Variants in ZNF567 observed in about 807,000 individuals in gnomAD.
The protein encoded by ZNF567 is zinc finger protein 567.
Under a neutral mutation model 53.9 loss-of-function variants are expected in ZNF567, and 36 were observed. The observed-to-expected ratio is 0.67, with a 90% confidence interval of 0.51 to 0.88. ZNF567 has a LOEUF of 0.88. ZNF567 is among the 40% of genes least tolerant of loss of function. ZNF567 has a pLI of 0.00. For missense variants in ZNF567, 619 were observed against 764.7 expected, an observed-to-expected ratio of 0.81 and a Z score of 2.25; for synonymous variants, 224 against 260.4, an observed-to-expected ratio of 0.86 and a Z score of 1.35.
downstream of ZNF567, among the ~76,000 whole-genome samples, chr19:36,722,810 A>G (rs1053260536): frequency 6.6e-6 from 1 of 152,322 alleles, no homozygotes; most frequent in South Asian, 2.1e-4. Flanking sequence ...GAACAGGGCA[A>G]TGAGACAAAA....
At chr19:36,725,097 A>G (rs1184303417), downstream of ZNF567, among the ~76,000 whole-genome samples, 3 of 152,126 alleles carry the variant, frequency 2.0e-5, no homozygotes, top group East Asian at 3.8e-4. Context: ...TCTGGTCTTC[A>G]TGGTTTCTCA....
chr19:36,706,478 G>A (rs2039493583), intron 3 of ZNF567, among the ~76,000 whole-genome samples: 2 of 151,906 alleles, frequency 1.3e-5, no homozygotes, highest in African/African-American at 4.8e-5. Context: ...GTTTTTTATA[G>A]AGACACAATT....
chr19:36,723,110 A>G (rs1230844001), downstream of ZNF567: 14 of 699,604 alleles, frequency 2.0e-5, no homozygotes, highest in South Asian at 1.5e-4. Context: ...GGAGTTATAT[A>G]CTAGTATATG....
In ZNF567 at chr19:36,719,602, A is replaced by G. The variant is rs754172677; in HGVS notation, c.878A>G (p.Lys293Arg). The G allele has an allele frequency of 1.2e-6, 2 of 1,614,174 alleles. No individual in the cohort carries two copies. Among genetic ancestry groups the G allele is most frequent in the Non-Finnish European group, 1.7e-6 (2 of 1,180,022 alleles). ...CHQCGNAFRRKSYLIDHQRTH... is the reference protein window; with the variant it reads ...CHQCGNAFRRRSYLIDHQRTH... ...CAATGTGGAAATGCATTTAGAAGGA[A>G]ATCATATCTCATTGATCATCAGAGA... The change falls in exon 6 of 6, where the codon AAA becomes AGA. Residue 293 changes from lysine to arginine, a missense_variant. Lys to Arg is a conservative substitution (Grantham distance 26). Coordinates refer to ENST00000682579, the MANE Select transcript of ZNF567 (RefSeq NM_001322917.1).
At chr19:36,671,116 A>G in the ZNF567 span, among the ~76,000 whole-genome samples, 8 of 152,146 alleles carry the variant, frequency 5.3e-5, no homozygotes, top group African/African-American at 1.9e-4. Flanking sequence ...CAAACAAACA[A>G]ACAAATAAAC....
chr19:36,723,251 A>T (rs540410315), downstream of ZNF567: 1 of 702,922 alleles, frequency 1.4e-6, no homozygotes. Flanking sequence ...TTTGGGGAAC[A>T]TGTGAGTCAC....
upstream of ZNF567, chr19:36,685,856 A>C (rs1199687537): frequency 2.6e-5 from 4 of 152,252 alleles, no homozygotes; most frequent in African/African-American, 9.6e-5. Context: ...TCTTCTGCTG[A>C]TCATATTCAT....
At chr19:36,714,385 A>G in intron 5 of ZNF567, 1 of 391,060 alleles carries the variant, frequency 2.6e-6, no homozygotes, top group Non-Finnish European at 4.5e-6. Flanking sequence ...GCTGGTCTCA[A>G]ACTCCTGACC....
chr19:36,694,427 G>C (rs866622375), intron 2 of ZNF567, among the ~76,000 whole-genome samples: 1 of 152,154 alleles, frequency 6.6e-6, no homozygotes, highest in African/African-American at 2.4e-5. Context: ...AAAAAAATTT[G>C]TATCAGTAGT....
At chr19:36,681,161 C>A in the ZNF567 span, among the ~76,000 whole-genome samples, 1 of 152,150 alleles carries the variant, frequency 6.6e-6, no homozygotes, top group African/African-American at 2.4e-5. Context: ...GAGACAGGGT[C>A]TTGCTTGTTG....
chr19:36,698,747 C>T (rs1470724497), intron 3 of ZNF567, among the ~76,000 whole-genome samples: 1 of 152,004 alleles, frequency 6.6e-6, no homozygotes, highest in African/African-American at 2.4e-5. Context: ...CTGTTCATAT[C>T]GTTTGCCCAC....
chr19:36,667,613 C>CAAT, the ZNF567 span, among the ~76,000 whole-genome samples: 170 of 149,120 alleles, frequency 1.1e-3, no homozygotes, highest in Middle Eastern at 0.018. Flanking sequence ...ACAACAACAA[C>CAAT]AAAAAACTGT....
rs2040239732 is a variant in ZNF567, at chr19:36,719,980, AG to A, written c.1257del (p.Lys419AsnfsTer47). ...CATCAGAGAACTCATACAGGGGAAA[AG>A]CCCTATATTTGTAATGAATGTGGGA... ...TVHQRTHTGEKPYICNECGKS... is the reference protein window; with the variant it reads ...TVHQRTHTGEXPYICNECGKS... On this transcript the variant is annotated frameshift_variant, in exon 6 of 6. Coordinates refer to ENST00000682579, the MANE Select transcript of ZNF567 (RefSeq NM_001322917.1). LOFTEE classifies it high-confidence loss of function. The A allele has an allele frequency of 6.2e-7, 1 of 1,613,884 alleles. No homozygotes were observed. The highest frequency in any genetic ancestry group is 1.3e-5 in the African/African-American group (1 of 74,876).
chr19:36,697,443 T>A (rs1045922851), intron 3 of ZNF567, among the ~76,000 whole-genome samples: 5 of 152,078 alleles, frequency 3.3e-5, no homozygotes, highest in Admixed American at 3.3e-4. Flanking sequence ...TTCTTTCTAA[T>A]CTATATTCCC....
At chr19:36,722,554 C>A (rs1467435391), downstream of ZNF567, among the ~76,000 whole-genome samples, 2 of 152,222 alleles carry the variant, frequency 1.3e-5, no homozygotes, top group Non-Finnish European at 2.9e-5. Flanking sequence ...TCCGCCTCAG[C>A]CTCCCAAAGT....
the ZNF567 span, among the ~76,000 whole-genome samples, chr19:36,674,591 C>T: frequency 2.6e-5 from 4 of 152,152 alleles, no homozygotes; most frequent in Admixed American, 2.6e-4. Context: ...GCATAGAAAA[C>T]AAAGCAGCAA....
At chr19:36,706,156 A>G (rs1156293793) in intron 3 of ZNF567, among the ~76,000 whole-genome samples, 2 of 152,196 alleles carry the variant, frequency 1.3e-5, no homozygotes, top group East Asian at 3.8e-4. Flanking sequence ...GCAAAAGTAC[A>G]AGCCAGCCAC....
In ZNF567 at chr19:36,717,078, C is replaced by T. The variant is rs562894678; in HGVS notation, c.224-1870C>T. 7.2e-5 allele frequency among the ~76,000 whole-genome samples: 11 copies of T among 152,116 alleles called. 1 individual carries two copies. The highest frequency in any genetic ancestry group is 2.6e-4 in the Admixed American group (4 of 15,256). On this transcript the variant is annotated intron_variant, in intron 5 of 5. Transcript: ENST00000682579. The stretch of plus-strand genomic sequence containing the variant: ...CTGACCTCAGGTGATCTGCCCGCTT[C>T]GGCTTGCCAAAGTGCTGGGATTACA...
At chr19:36,669,445 GT>G in the ZNF567 span, 8 of 152,284 alleles carry the variant, frequency 5.3e-5, no homozygotes, top group African/African-American at 1.7e-4. Context: ...GAGAATGCAG[GT>G]ATCTGGGACC....
Sources: allele counts gnomAD v4.1 joint callset (sites outside exome capture counted in the v4.1 genomes callset), GRCh38; gene constraint gnomAD v4.1.1; transcripts MANE v1.5; gene names NCBI Gene and HGNC (gene_info 2026-07-23, HGNC 2026-07-21).